GMEB1: variants seen among roughly 807,000 people sequenced by gnomAD.
GMEB1 encodes the protein glucocorticoid modulatory element-binding protein 1.
Under a neutral mutation model 52.4 loss-of-function variants are expected in GMEB1, and 6 were observed. The ratio of observed to expected loss-of-function variants is 0.11; its 90% CI spans 0.06 to 0.23. The LOEUF (loss-of-function observed/expected upper bound fraction) is 0.23. Ranked by LOEUF, GMEB1 falls within the 10% of genes least tolerant of loss-of-function variation. The pLI is 1.00. For missense variants in GMEB1, 486 were observed against 685.6 expected, an observed-to-expected ratio of 0.71 and a Z score of 3.25; for synonymous variants, 255 against 244.9, an observed-to-expected ratio of 1.04 and a Z score of -0.38.
chr1:28,707,070 C>G (rs1298118198), intron 8 of GMEB1, among the ~76,000 whole-genome samples: 1 of 149,080 alleles, frequency 6.7e-6, no homozygotes, highest in East Asian at 2.0e-4. Context: ...GCAAGCTCCA[C>G]CTGCCAGGTT....
intron 8 of GMEB1, 45 bp downstream of exon 8, chr1:28,704,374 C>T (rs377721581): frequency 1.3e-6 from 2 of 1,552,314 alleles, no homozygotes; most frequent in Middle Eastern, 1.8e-4. Flanking sequence ...ATTGAATACT[C>T]ACCTCCGTAG....
At chr1:28,687,889 G>A (rs970089262) in intron 2 of GMEB1, among the ~76,000 whole-genome samples, 1 of 152,058 alleles carries the variant, frequency 6.6e-6, no homozygotes, top group Non-Finnish European at 1.5e-5. Flanking sequence ...TAACAAGGAT[G>A]GAGAGTATAG....
chr1:28,695,019 C>T (rs1570412263), intron 5 of GMEB1, among the ~76,000 whole-genome samples: 1 of 141,700 alleles, frequency 7.1e-6, no homozygotes, highest in Admixed American at 7.5e-5. Flanking sequence ...GGCTGAAGTG[C>T]AGTGGCATGA....
rs11557120 is a variant in GMEB1 at position 28,683,653 on chromosome 1, T to C, written c.41T>C (p.Val14Ala). ...AEVSVPVGDVVVVPTEGNEGE... is the reference protein window; with the variant it reads ...AEVSVPVGDVAVVPTEGNEGE... ...GTGAGTGTCCCAGTGGGGGATGTGGTTGTGGTACCTACTGAAGGAAATGAA... is the reference window on the plus strand; with the variant it reads ...GTGAGTGTCCCAGTGGGGGATGTGGCTGTGGTACCTACTGAAGGAAATGAA... The change falls in exon 2 of 10, where the codon GTT becomes GCT. Residue 14 changes from valine (V) to alanine (A), a missense_variant. This residue lies in a region of GMEB1 where 88 missense variants were observed against 96.5 expected (regional missense o/e 0.91). Coordinates refer to ENST00000373816, the MANE Select transcript of GMEB1 (RefSeq NM_001319674.2). 1.9e-6 allele frequency: 3 copies of C among 1,611,478 alleles called. No homozygotes were observed. The highest frequency in any genetic ancestry group is 4.5e-5 in the East Asian group (2 of 44,670).
chr1:28,695,368 G>C (rs1670153355), intron 5 of GMEB1, among the ~76,000 whole-genome samples: 1 of 151,776 alleles, frequency 6.6e-6, no homozygotes, highest in South Asian at 2.1e-4. Context: ...AAATAGCTGG[G>C]ATTATAGGCA....
chr1:28,713,157 C>CAAAAAAAA (rs1222945447), intron 9 of GMEB1, among the ~76,000 whole-genome samples: 1 of 76,448 alleles, frequency 1.3e-5, no homozygotes. Context: ...GACTCCATCT[C>CAAAAAAAA]AAAAAAAAAA....
At chr1:28,708,492 G>A (rs918348591) in intron 8 of GMEB1, among the ~76,000 whole-genome samples, 3 of 147,286 alleles carry the variant, frequency 2.0e-5, no homozygotes, top group African/African-American at 7.5e-5. Context: ...ACAGAGTTTC[G>A]CTGTTGTTTC....
chr1:28,687,753 G>A (rs180854925), intron 2 of GMEB1, among the ~76,000 whole-genome samples: 218 of 152,006 alleles, frequency 1.4e-3, no homozygotes, highest in African/African-American at 4.8e-3. Context: ...GAGGGAGGAT[G>A]GATAGTGTTA....
intron 6 of GMEB1, among the ~76,000 whole-genome samples, chr1:28,698,088 C>T (rs780773064): frequency 3.1e-4 from 47 of 151,274 alleles, no homozygotes; most frequent in Middle Eastern, 3.4e-3. Context: ...TGCAGTAAGC[C>T]GAGATGGCAC....
rs542087423 is a variant in GMEB1 at position 28,684,318 on chromosome 1, C to CT, written c.128+581dup. Among the ~76,000 whole-genome samples, 712 of 152,188 alleles carry CT rather than the reference C, an allele frequency of 4.7e-3. 13 individuals are homozygous for CT. Among genetic ancestry groups the CT allele is most frequent in the African/African-American group, 0.016 (663 of 41,546 alleles). On this transcript the variant is annotated intron_variant, in intron 2 of 9. Transcript: ENST00000373816. ...GTGGCTCACGCCTGTAATCCCAGCA[C>CT]TTTGGGAGGCCGAGGCGCGTGGATC... is the stretch of plus-strand genomic sequence containing the variant.
At chr1:28,712,414 C>T (rs555483021) in intron 9 of GMEB1, among the ~76,000 whole-genome samples, 1 of 152,196 alleles carries the variant, frequency 6.6e-6, no homozygotes, top group Non-Finnish European at 1.5e-5. Flanking sequence ...CTTGGAGGTT[C>T]GGGGGGAGGG....
At chr1:28,708,511 G>C (rs955884185) in intron 8 of GMEB1, among the ~76,000 whole-genome samples, 3 of 151,696 alleles carry the variant, frequency 2.0e-5, no homozygotes, top group African/African-American at 7.3e-5. Context: ...TCCCAGGCTG[G>C]AGTGCAGTGG....
chr1:28,701,489 C>T (rs1193675332), intron 6 of GMEB1, among the ~76,000 whole-genome samples: 4 of 152,054 alleles, frequency 2.6e-5, no homozygotes, highest in South Asian at 2.1e-4. Context: ...AGGATGGTCT[C>T]GATCTCCTGA....
At chr1:28,704,155 C>G in intron 7 of GMEB1, 37 bp from the exon 8 acceptor site, 1 of 1,560,422 alleles carries the variant, frequency 6.4e-7, no homozygotes, top group Non-Finnish European at 8.7e-7. Flanking sequence ...TAGGTAGTGT[C>G]TCTTTTTTAC....
At chr1:28,686,371 G>C (rs555639864) in intron 2 of GMEB1, among the ~76,000 whole-genome samples, 1 of 152,082 alleles carries the variant, frequency 6.6e-6, no homozygotes, top group Admixed American at 6.6e-5. Flanking sequence ...GGGTATGGTA[G>C]CTCACACCTG....
At chr1:28,673,552 G>C (rs2124446634) in intron 1 of GMEB1, among the ~76,000 whole-genome samples, 1 of 152,288 alleles carries the variant, frequency 6.6e-6, no homozygotes, top group Middle Eastern at 3.4e-3. Flanking sequence ...ACTGCGTGCA[G>C]CCTGACACTT....
At chr1:28,691,012 C>T (rs1378070672) in intron 3 of GMEB1, among the ~76,000 whole-genome samples, 2 of 151,178 alleles carry the variant, frequency 1.3e-5, no homozygotes, top group African/African-American at 4.9e-5. Flanking sequence ...CCACCTACAC[C>T]AGGCGAGGTG....
At chr1:28,706,095 A>G (rs1670749699) in intron 8 of GMEB1, among the ~76,000 whole-genome samples, 1 of 152,024 alleles carries the variant, frequency 6.6e-6, no homozygotes, top group South Asian at 2.1e-4. Flanking sequence ...CAGAACATGC[A>G]GTGAGCCGAG....
At chr1:28,672,534 G>A (rs942537316) in intron 1 of GMEB1, among the ~76,000 whole-genome samples, 22 of 151,272 alleles carry the variant, frequency 1.5e-4, no homozygotes, top group African/African-American at 5.3e-4. Context: ...ACTTTTTTAA[G>A]TCCCCAGAAA....
Sources: allele counts gnomAD v4.1 joint callset (sites outside exome capture counted in the v4.1 genomes callset), GRCh38; gene constraint gnomAD v4.1.1; regional missense constraint gnomAD v4.1.1; transcripts MANE v1.5; gene names NCBI Gene and HGNC (gene_info 2026-07-23, HGNC 2026-07-21).